Variants in BTBD1 observed in about 807,000 individuals in gnomAD.
BTBD1 encodes the protein BTB domain containing 1, also known as BTB/POZ domain-containing protein 1.
In BTBD1, 34 loss-of-function variants were observed where a neutral mutation model predicts 48.0. The ratio of observed to expected loss-of-function variants is 0.71; its 90% CI spans 0.54 to 0.94. The LOEUF is 0.94. Ranked by LOEUF, BTBD1 falls within the 40% of genes least tolerant of loss-of-function variation. BTBD1 has a pLI of 0.00. For missense variants in BTBD1, 543 were observed against 625.6 expected, an observed-to-expected ratio of 0.87 and a Z score of 1.41; for synonymous variants, 261 against 242.1, an observed-to-expected ratio of 1.08 and a Z score of -0.72.
intron 2 of BTBD1, among the ~76,000 whole-genome samples, chr15:83,050,679 C>G (rs2032965790): frequency 6.6e-6 from 1 of 152,048 alleles, no homozygotes; most frequent in African/African-American, 2.4e-5. Context: ...GTGCAAATAT[C>G]AGATTTTCTC....
chr15:83,038,754 AC>A (rs2032678790), intron 4 of BTBD1, among the ~76,000 whole-genome samples: 1 of 152,184 alleles, frequency 6.6e-6, no homozygotes, highest in Non-Finnish European at 1.5e-5. Context: ...CTGCAGACCT[AC>A]AGCACCTCAT....
intron 5 of BTBD1, among the ~76,000 whole-genome samples, chr15:83,029,252 TA>T (rs2151302107): frequency 6.6e-6 from 1 of 152,366 alleles, no homozygotes; most frequent in Non-Finnish European, 1.5e-5. Flanking sequence ...ACTGAAGTGC[TA>T]TTAAATAAAT....
chr15:83,055,500 C>T (rs572263383), intron 2 of BTBD1, among the ~76,000 whole-genome samples: 91 of 152,122 alleles, frequency 6.0e-4, no homozygotes, highest in African/African-American at 1.7e-3. Flanking sequence ...TCAAGTGATC[C>T]GCCCACCTGG....
At chr15:83,050,771 T>C (rs2151310454) in intron 2 of BTBD1, among the ~76,000 whole-genome samples, 1 of 152,172 alleles carries the variant, frequency 6.6e-6, no homozygotes, top group Non-Finnish European at 1.5e-5. Context: ...CTAAGCAAAA[T>C]TAGGTCTAAC....
chr15:83,055,197 G>C (rs547324855), intron 2 of BTBD1, among the ~76,000 whole-genome samples: 1 of 152,090 alleles, frequency 6.6e-6, no homozygotes, highest in African/African-American at 2.4e-5. Context: ...TTAAGGACTG[G>C]TTAAAGGTTC....
At chr15:83,045,501 A>C (rs1443302024) in intron 3 of BTBD1, among the ~76,000 whole-genome samples, 2 of 151,594 alleles carry the variant, frequency 1.3e-5, no homozygotes, top group Non-Finnish European at 2.9e-5. Context: ...TCTGCCTCAA[A>C]AAAACAAACA....
In BTBD1 at chr15:83,056,527, T is replaced by C; in HGVS notation, c.420A>G (p.Glu140=). 6.2e-7 allele frequency: 1 copy of C among 1,613,648 alleles called. No homozygotes were observed. Among genetic ancestry groups the C allele is most frequent in the African/African-American group, 1.3e-5 (1 of 75,044 alleles). The change falls in exon 2 of 8, where the codon GAA becomes GAG. Residue 140 remains glutamate, a synonymous_variant. Transcript: ENST00000261721. ...TAACTGTTTCTGGACCAATTTGAAC[T>C]TCATCTGAATATAGAAATCTGGAAA... ...LALLRFLYSD[E]VQIGPETVMT...
chr15:83,042,521 T>C (rs2032788334), intron 3 of BTBD1, among the ~76,000 whole-genome samples: 1 of 151,724 alleles, frequency 6.6e-6, no homozygotes, highest in Non-Finnish European at 1.5e-5. Flanking sequence ...GTAGCTTGGA[T>C]TACTGGCACG....
At chr15:83,058,201 C>T (rs750636212) in intron 1 of BTBD1, among the ~76,000 whole-genome samples, 5 of 152,206 alleles carry the variant, frequency 3.3e-5, no homozygotes, top group Non-Finnish European at 7.3e-5. Flanking sequence ...CCAGGAAAGG[C>T]GCTCCAGCTC....
chr15:83,019,053 G>GGTGT (rs374886864), intron 6 of BTBD1, among the ~76,000 whole-genome samples, 200 bp from the exon 7 acceptor site: 2 of 147,632 alleles, frequency 1.4e-5, no homozygotes, highest in South Asian at 2.2e-4. Flanking sequence ...TCTGTTGGTG[G>GGTGT]GTGTGTGTGT....
chr15:83,029,147 A>T (rs2032468155), intron 5 of BTBD1, among the ~76,000 whole-genome samples: 1 of 152,214 alleles, frequency 6.6e-6, no homozygotes, highest in African/African-American at 2.4e-5. Flanking sequence ...GTCTACAAGT[A>T]CATTTTTAAT....
chr15:83,036,424 A>C (rs1338485377), intron 4 of BTBD1, among the ~76,000 whole-genome samples: 2 of 152,204 alleles, frequency 1.3e-5, no homozygotes, highest in Non-Finnish European at 2.9e-5. Flanking sequence ...CAAGTATTGG[A>C]GAGGATGTGG....
chr15:83,030,096 T>C (rs1429976692), intron 5 of BTBD1, 40 bp downstream of exon 5: 2 of 1,576,102 alleles, frequency 1.3e-6, no homozygotes, highest in South Asian at 1.1e-5. Flanking sequence ...TGGTAACTGC[T>C]ACCCCCACTC....
intron 4 of BTBD1, among the ~76,000 whole-genome samples, chr15:83,041,278 C>G (rs1362833527): frequency 6.6e-6 from 1 of 151,660 alleles, no homozygotes; most frequent in Admixed American, 6.6e-5. Context: ...TTTTGAAGGG[C>G]TTAAAATCAT....
At chr15:83,050,467 C>T (rs2032961935) in intron 2 of BTBD1, among the ~76,000 whole-genome samples, 1 of 118,954 alleles carries the variant, frequency 8.4e-6, no homozygotes, top group East Asian at 2.3e-4. Flanking sequence ...TGTGTGTGTA[C>T]AGCCTATATT....
At chr15:83,055,740 A>C (rs2033071387) in intron 2 of BTBD1, among the ~76,000 whole-genome samples, 1 of 152,198 alleles carries the variant, frequency 6.6e-6, no homozygotes, top group South Asian at 2.1e-4. Flanking sequence ...TTCCATCTTT[A>C]TTCCAGATCC....
intron 5 of BTBD1, among the ~76,000 whole-genome samples, chr15:83,028,950 A>T (rs896512818): frequency 1.3e-5 from 2 of 152,036 alleles, no homozygotes; most frequent in African/African-American, 4.8e-5. Flanking sequence ...TTCTACATTT[A>T]TCTATTTACT....
At chr15:83,055,888 T>C (rs2033073054) in intron 2 of BTBD1, among the ~76,000 whole-genome samples, 1 of 152,172 alleles carries the variant, frequency 6.6e-6, no homozygotes, top group African/African-American at 2.4e-5. Context: ...ACCCCACTTA[T>C]ATGTATAAGG....
chr15:83,063,988 T>C (rs1404935801), intron 1 of BTBD1, among the ~76,000 whole-genome samples: 1 of 152,230 alleles, frequency 6.6e-6, no homozygotes, highest in African/African-American at 2.4e-5. Flanking sequence ...CCCAAACACC[T>C]ACAACAGCCA....
Sources: allele counts gnomAD v4.1 joint callset (sites outside exome capture counted in the v4.1 genomes callset), GRCh38; gene constraint gnomAD v4.1.1; transcripts MANE v1.5; gene names NCBI Gene and HGNC (gene_info 2026-07-23, HGNC 2026-07-21).